Variants in PARG observed in about 807,000 individuals in gnomAD.
PARG encodes the protein poly(ADP-ribose) glycohydrolase.
Under a neutral mutation model 113.0 loss-of-function variants are expected in PARG, and 35 were observed. The observed-to-expected ratio is 0.31, with a 90% confidence interval of 0.24 to 0.41. The LOEUF (loss-of-function observed/expected upper bound fraction) is 0.41, where lower values mean the gene tolerates loss of function less well. Ranked by LOEUF, PARG falls within the 10% of genes least tolerant of loss-of-function variation. The pLI is 1.00. For missense variants in PARG, 797 were observed against 1,169.4 expected, an observed-to-expected ratio of 0.68 and a Z score of 4.64; for synonymous variants, 330 against 409.9, an observed-to-expected ratio of 0.81 and a Z score of 2.36.
intron 15 of PARG, among the ~76,000 whole-genome samples, chr10:49,834,278 C>T (rs186943657): frequency 6.6e-6 from 1 of 152,110 alleles, no homozygotes; most frequent in East Asian, 1.9e-4. Flanking sequence ...ATAACTTTGC[C>T]GCTTTGTTTC....
chr10:49,862,855 C>T (rs1554836211), intron 11 of PARG, among the ~76,000 whole-genome samples: 1 of 151,104 alleles, frequency 6.6e-6, no homozygotes, highest in Non-Finnish European at 1.5e-5. Context: ...TTTTTTTGGT[C>T]CTACTTTCCT....
At chr10:49,883,437 A>G (rs1847307602) in intron 8 of PARG, among the ~76,000 whole-genome samples, 1 of 149,940 alleles carries the variant, frequency 6.7e-6, no homozygotes, top group Admixed American at 6.6e-5. Context: ...CAGGAATAAA[A>G]TTATGAACAA....
At position 49,933,967 on chromosome 10, in the gene PARG, C is replaced by T. The variant is rs1385532513; in HGVS notation, c.481G>A (p.Gly161Arg). The T allele has an allele frequency of 6.2e-7, 1 of 1,600,978 alleles. No individual in the cohort carries two copies. Among genetic ancestry groups the T allele is most frequent in the Non-Finnish European group, 8.6e-7 (1 of 1,168,056 alleles). ...TAAMCKWQNE[G>R]KHTEQLLESE... ...TCCAAAAGCTGCTCCGTGTGTTTCC[C>T]TTCATTTTGCCACTTACACATTGCT... The change falls in exon 3 of 18, where the codon GGG becomes AGG. Residue 161 changes from glycine to arginine, a missense_variant. Transcript: ENST00000616448.
intron 8 of PARG, among the ~76,000 whole-genome samples, chr10:49,882,395 G>A (rs1316488012): frequency 6.2e-4 from 93 of 151,138 alleles, no homozygotes; most frequent in African/African-American, 2.2e-3. Context: ...AATTTAACTT[G>A]CCACAAGACG....
At chr10:49,929,944 G>C (rs1354627966) in intron 4 of PARG, among the ~76,000 whole-genome samples, 1 of 150,448 alleles carries the variant, frequency 6.6e-6, no homozygotes, top group Non-Finnish European at 1.5e-5. Flanking sequence ...TTAGGGATGA[G>C]AGTTAAAGCT....
chr10:49,837,397 T>TACACAC (rs3048454), intron 15 of PARG, among the ~76,000 whole-genome samples: 2 of 148,078 alleles, frequency 1.4e-5, no homozygotes, highest in East Asian at 2.0e-4. Flanking sequence ...CATGCATATA[T>TACACAC]ACACACACAC....
intron 7 of PARG, among the ~76,000 whole-genome samples, chr10:49,891,043 G>A (rs1299512401): frequency 2.0e-5 from 3 of 152,252 alleles, no homozygotes. Context: ...GGCCGGGCGT[G>A]GTGGCTCATG....
At position 49,922,320 on chromosome 10, in the gene PARG, G is replaced by C; in HGVS notation, c.1662+16C>G. 6.3e-7 allele frequency: 1 copy of C among 1,589,500 alleles called. No individual in the cohort carries two copies. The highest frequency in any genetic ancestry group is 8.6e-7 in the Non-Finnish European group (1 of 1,168,070). On this transcript the variant is annotated intron_variant, in intron 6 of 17. Coordinates refer to ENST00000616448, the MANE Select transcript of PARG (RefSeq NM_003631.5). Reference sequence around the variant, plus strand: ...ACAGGGCCCATAAACAGGCAAGCATGGTAAAAACAACATACCTTCAAGTTT... The same window carrying C: ...ACAGGGCCCATAAACAGGCAAGCATCGTAAAAACAACATACCTTCAAGTTT...
intron 16 of PARG, among the ~76,000 whole-genome samples, chr10:49,823,314 C>T (rs1844197138): frequency 6.6e-6 from 1 of 151,766 alleles, no homozygotes; most frequent in Non-Finnish European, 1.5e-5. Context: ...TTAAAAATTA[C>T]ATAGGAAGAA....
chr10:49,857,527 T>C, intron 12 of PARG, 74 bp from the exon 13 acceptor site: 2 of 823,500 alleles, frequency 2.4e-6, no homozygotes, highest in Non-Finnish European at 3.8e-6. Flanking sequence ...ACATAGTCTC[T>C]AAGCTCTCAT....
At chr10:49,831,295 C>T (rs1844648954) in intron 16 of PARG, among the ~76,000 whole-genome samples, 1 of 152,004 alleles carries the variant, frequency 6.6e-6, no homozygotes, top group South Asian at 2.1e-4. Flanking sequence ...AGGGGAAAGG[C>T]AGTTACATTA....
At chr10:49,901,234 C>T (rs1848334188) in intron 7 of PARG, among the ~76,000 whole-genome samples, 4 of 151,072 alleles carry the variant, frequency 2.6e-5, no homozygotes, top group Admixed American at 2.0e-4. Flanking sequence ...CCTCGGCCTC[C>T]CAAGTAGCTG....
chr10:49,862,787 CT>C (rs1846315861), intron 11 of PARG, among the ~76,000 whole-genome samples: 1 of 151,914 alleles, frequency 6.6e-6, no homozygotes, highest in Non-Finnish European at 1.5e-5. Flanking sequence ...AGAAAAATTA[CT>C]TTCCCAGTCT....
chr10:49,895,930 T>C (rs1202308572), intron 7 of PARG, among the ~76,000 whole-genome samples: 2 of 152,354 alleles, frequency 1.3e-5, no homozygotes, highest in African/African-American at 4.8e-5. Flanking sequence ...AAAAATATAA[T>C]GATTTTTGTA....
intron 15 of PARG, among the ~76,000 whole-genome samples, chr10:49,837,669 C>T (rs1845010993): frequency 6.6e-6 from 1 of 152,142 alleles, no homozygotes; most frequent in Non-Finnish European, 1.5e-5. Flanking sequence ...TTGCCAATGA[C>T]ATTTAACAAA....
intron 7 of PARG, among the ~76,000 whole-genome samples, chr10:49,889,338 T>C (rs2132672950): frequency 6.6e-6 from 1 of 152,338 alleles, no homozygotes; most frequent in South Asian, 2.1e-4. Context: ...CTTTCTGTGA[T>C]ACTGTGCCAG....
chr10:49,903,694 C>T (rs557623854), intron 7 of PARG, among the ~76,000 whole-genome samples: 1 of 151,528 alleles, frequency 6.6e-6, no homozygotes, highest in East Asian at 2.0e-4. Flanking sequence ...AAAAACTGAG[C>T]TGAGTCTTGA....
At chr10:49,844,867 G>C (rs1316772904) in intron 13 of PARG, among the ~76,000 whole-genome samples, 1 of 152,182 alleles carries the variant, frequency 6.6e-6, no homozygotes, top group Non-Finnish European at 1.5e-5. Context: ...CAAAGGACTT[G>C]TGTTCAGAAT....
intron 7 of PARG, among the ~76,000 whole-genome samples, chr10:49,889,150 T>G (rs1397220748): frequency 6.6e-6 from 1 of 151,852 alleles, no homozygotes; most frequent in African/African-American, 2.4e-5. Context: ...ATGGCTACTT[T>G]AAAATAATTG....
Sources: allele counts gnomAD v4.1 joint callset (sites outside exome capture counted in the v4.1 genomes callset), GRCh38; gene constraint gnomAD v4.1.1; transcripts MANE v1.5; gene names NCBI Gene and HGNC (gene_info 2026-07-23, HGNC 2026-07-21).